The following PLEKHG1 variants were observed in gnomAD, a reference collection of about 807,000 sequenced individuals.
PLEKHG1 encodes the protein pleckstrin homology and RhoGEF domain containing G1.
Under a neutral mutation model 100.8 loss-of-function variants are expected in PLEKHG1, and 44 were observed. The ratio of observed to expected loss-of-function variants is 0.44; its 90% CI spans 0.34 to 0.56. The LOEUF is 0.56. Among genes scored for constraint, PLEKHG1 ranks in the 20% least tolerant of loss-of-function variants. The pLI, the probability that PLEKHG1 is intolerant of heterozygous loss-of-function variation, is 0.01. For synonymous variants in PLEKHG1, 640 were observed against 662.5 expected (o/e 0.97, Z 0.52); for missense variants, 1,545 against 1,720.9 (o/e 0.90, Z 1.81).
chr6:150,812,004 C>T (rs1306853418), intron 10 of PLEKHG1, among the ~76,000 whole-genome samples: 1 of 152,134 alleles, frequency 6.6e-6, no homozygotes, highest in Non-Finnish European at 1.5e-5. Flanking sequence ...ACAGAGGGAA[C>T]AAATGCAGAA....
At chr6:150,820,187 C>T (rs148578673) in intron 12 of PLEKHG1, among the ~76,000 whole-genome samples, 18,578 of 151,352 alleles carry the variant, frequency 0.12, 1,282 homozygotes, top group South Asian at 0.17. Flanking sequence ...CCAGCATGGG[C>T]GACAGAGTGA....
At chr6:150,826,819 T>C (rs1165651377) in intron 14 of PLEKHG1, among the ~76,000 whole-genome samples, 1 of 152,104 alleles carries the variant, frequency 6.6e-6, no homozygotes, top group Non-Finnish European at 1.5e-5. Context: ...ACTCATTTTT[T>C]GTAGAGACAA....
intron 3 of PLEKHG1, among the ~76,000 whole-genome samples, chr6:150,769,600 A>AAAAG (rs750594053): frequency 1.1e-4 from 17 of 150,564 alleles, no homozygotes; most frequent in African/African-American, 3.9e-4. Flanking sequence ...AAAAAAAAAA[A>AAAAG]AAAGAAAGAA....
chr6:150,795,933 T>C (rs773345807), intron 5 of PLEKHG1, 31 bp downstream of exon 6: 27 of 1,414,874 alleles, frequency 1.9e-5, no homozygotes, highest in Non-Finnish European at 2.7e-5. Context: ...AAGAGTACTT[T>C]TGTTCACTTT....
intron 12 of PLEKHG1, among the ~76,000 whole-genome samples, chr6:150,820,848 A>C (rs568962902): frequency 7.8e-4 from 119 of 152,288 alleles, no homozygotes; most frequent in African/African-American, 2.6e-3. Context: ...CTGGGAGACA[A>C]GAGTGAATCT....
intron 2 of PLEKHG1, among the ~76,000 whole-genome samples, chr6:150,764,941 G>A (rs1784385724): frequency 7.9e-6 from 1 of 126,880 alleles, no homozygotes; most frequent in African/African-American, 4.2e-5. Context: ...AAGGGATCAT[G>A]TTTTATGCAT....
At chr6:150,836,108 G>A (rs1244889557) in intron 15 of PLEKHG1, among the ~76,000 whole-genome samples, 1 of 152,172 alleles carries the variant, frequency 6.6e-6, no homozygotes, top group African/African-American at 2.4e-5. Flanking sequence ...TGGGTGCAGT[G>A]GCTCACATCT....
intron 2 of PLEKHG1, among the ~76,000 whole-genome samples, chr6:150,749,082 T>C (rs896655866): frequency 6.6e-6 from 1 of 152,210 alleles, no homozygotes. Context: ...CAACAGCTGA[T>C]AGCTGCTCAC....
intron 3 of PLEKHG1, among the ~76,000 whole-genome samples, chr6:150,680,584 G>A (rs1052096271): frequency 6.6e-6 from 1 of 152,176 alleles, no homozygotes; most frequent in Non-Finnish European, 1.5e-5. Context: ...ACAGGGAGGT[G>A]GAAAACCAGG....
intron 1 of PLEKHG1, among the ~76,000 whole-genome samples, chr6:150,626,441 A>G (rs148882295): frequency 3.2e-4 from 48 of 152,202 alleles, no homozygotes; most frequent in African/African-American, 1.1e-3. Flanking sequence ...GTCTGTCTCG[A>G]TCTGTGTGTC....
rs887274759 is a variant in PLEKHG1 at position 150,776,555 on chromosome 6, G to A, written c.512+7817G>A. Among the ~76,000 whole-genome samples, 5 of 136,908 alleles carry A rather than the reference G, an allele frequency of 3.7e-5. 1 individual carries two copies. Among genetic ancestry groups the A allele is most frequent in the Non-Finnish European group, 7.5e-5 (5 of 66,342 alleles). The allele number at this position is 136,908 out of a possible 152,430, so 89.8% of individuals were successfully genotyped here. On this transcript the variant is annotated intron_variant, in intron 3 of 15. Transcript: ENST00000358517. ...TGTGTGGTTGCACATTACTCACACT[G>A]ATGCAATCCTGGTGCACATGTGCAG... is the stretch of plus-strand genomic sequence containing the variant.
chr6:150,837,948 AC>A (rs1285877928), intron 15 of PLEKHG1, among the ~76,000 whole-genome samples: 1 of 152,188 alleles, frequency 6.6e-6, no homozygotes, highest in African/African-American at 2.4e-5. Flanking sequence ...GGAGTTGAAA[AC>A]TCAAAGGATC....
intron 2 of PLEKHG1, among the ~76,000 whole-genome samples, chr6:150,749,094 C>T (rs1583051169): frequency 6.6e-6 from 1 of 152,152 alleles, no homozygotes; most frequent in Non-Finnish European, 1.5e-5. Context: ...GCTGCTCACA[C>T]CCCAGATCCT....
At position 150,743,700 on chromosome 6, in the gene PLEKHG1, C is replaced by T. The variant is rs74822597; in HGVS notation, c.411+9608C>T. ...TCCTCTCTCCCTTCTTCTATGTCTC[C>T]ACCCCTATTCCCTACCCTTTCTCCC... is the stretch of plus-strand genomic sequence containing the variant. On this transcript the variant is annotated intron_variant, in intron 2 of 15. Transcript: ENST00000358517. Among the ~76,000 whole-genome samples, 319 of 152,276 alleles carry T rather than the reference C, an allele frequency of 2.1e-3. 11 individuals are homozygous for T. In the East Asian group the frequency reaches 0.05, roughly 24 times the overall value.
At chr6:150,744,132 T>C (rs1700287597) in intron 2 of PLEKHG1, among the ~76,000 whole-genome samples, 1 of 152,228 alleles carries the variant, frequency 6.6e-6, no homozygotes, top group African/African-American at 2.4e-5. Context: ...TGGAGTGCAG[T>C]GGCACAATCT....
chr6:150,706,251 A>G (rs1397210710), intron 3 of PLEKHG1, among the ~76,000 whole-genome samples: 1 of 152,180 alleles, frequency 6.6e-6, no homozygotes, highest in African/African-American at 2.4e-5. Context: ...GAGTCTCGCC[A>G]GCGAGCTCAG....
intron 5 of PLEKHG1, among the ~76,000 whole-genome samples, chr6:150,799,363 C>G (rs1786554800): frequency 6.6e-6 from 1 of 152,160 alleles, no homozygotes; most frequent in Non-Finnish European, 1.5e-5. Flanking sequence ...TGTCCACTAT[C>G]TTCATACCAG....
At chr6:150,674,056 G>A (rs1468622027) in intron 3 of PLEKHG1, among the ~76,000 whole-genome samples, 2 of 152,064 alleles carry the variant, frequency 1.3e-5, no homozygotes, top group Non-Finnish European at 2.9e-5. Context: ...GTAGACATGA[G>A]GAATTTATTT....
At position 150,732,816 on chromosome 6, in the gene PLEKHG1, GCCTCAAGTGATCTGCCCAC is replaced by G. The variant is rs914808414; in HGVS notation, c.-98-765_-98-747del. 2.0e-5 allele frequency among the ~76,000 whole-genome samples: 3 copies of G among 152,238 alleles called. No homozygotes were observed. The Middle Eastern group carries it at 0.01, about 518-fold the overall frequency. On this transcript the variant is annotated intron_variant, in intron 1 of 15. Coordinates refer to ENST00000358517, the Ensembl canonical transcript of PLEKHG1. Reference sequence around the variant, plus strand: ...TGGCCAGGCTTGTCTCAAACGCCTGGCCTCAAGTGATCTGCCCACCCCAGCCTCCCAAAGTGCTGGGATT... The same window carrying G: ...TGGCCAGGCTTGTCTCAAACGCCTGGCCCAGCCTCCCAAAGTGCTGGGATT...
Sources: allele counts gnomAD v4.1 joint callset (sites outside exome capture counted in the v4.1 genomes callset), GRCh38; gene constraint gnomAD v4.1.1; transcripts MANE v1.5; gene names NCBI Gene and HGNC (gene_info 2026-07-23, HGNC 2026-07-21).